KANK2: variants seen among roughly 807,000 people sequenced by gnomAD.
The protein encoded by KANK2 is KN motif and ankyrin repeat domains 2, also known as KN motif and ankyrin repeat domain-containing protein 2.
In KANK2, 41 loss-of-function variants were observed where a neutral mutation model predicts 74.6. That is an observed-to-expected ratio of 0.55 (90% confidence interval 0.43 to 0.71). The LOEUF is 0.71. KANK2 is among the 30% of genes least tolerant of loss of function. The pLI is 0.00. For missense variants in KANK2, 1,148 were observed against 1,196.4 expected, an observed-to-expected ratio of 0.96 and a Z score of 0.60; for synonymous variants, 537 against 519.0, an observed-to-expected ratio of 1.03 and a Z score of -0.47.
At position 11,167,508 on chromosome 19, in the gene KANK2, C is replaced by T. The variant is rs1021191952; in HGVS notation, c.2503-897G>A. Among the ~76,000 whole-genome samples, 80 of 151,610 alleles carry T rather than the reference C, an allele frequency of 5.3e-4. 1 individual carries two copies. Among genetic ancestry groups the T allele is most frequent in the African/African-American group, 1.4e-3 (56 of 41,346 alleles). On this transcript the variant is annotated intron_variant, in intron 12 of 12. Transcript: ENST00000586659. ...CCTCCCGAGTAGCTGGGACTATAGG[C>T]ATGCACCACCAGGCCCAGCTAATTT...
chr19:11,174,568 T>G lies in KANK2; in HGVS notation c.1973A>C (p.Tyr658Ser). ...FRAMSARLLD[Y>S]VVNIADSNGN... ...GTTGCTGTCGGCGATGTTGACCACG[T>G]AGTCCAGCAGCCGCGCAGACATGGC... is the stretch of plus-strand genomic sequence containing the variant. Residue 658 changes from tyrosine to serine, a missense_variant, in exon 9 of 13, where the codon TAC (tyrosine) becomes TCC (serine). Tyr to Ser is a moderately radical substitution (Grantham distance 144, BLOSUM62 -2). Coordinates refer to ENST00000586659, the MANE Select transcript of KANK2 (RefSeq NM_001136191.3). The G allele has an allele frequency of 2.5e-6, 4 of 1,613,590 alleles. No homozygotes were observed. The highest frequency in any genetic ancestry group is 3.4e-6 in the Non-Finnish European group (4 of 1,179,890).
Position 11,173,025 on chromosome 19 carries a change from G to C in KANK2, c.2167C>G (p.Leu723Val), listed in dbSNP as rs144561976. 6.2e-7 allele frequency: 1 copy of C among 1,614,146 alleles called. No homozygotes were observed. Among genetic ancestry groups the C allele is most frequent in the South Asian group, 1.1e-5 (1 of 91,078 alleles). The stretch of plus-strand genomic sequence containing the variant: ...ATGTTGCCAAGCCGGAAGAGCTGAA[G>C]GACAGTCTCGATGTCGTCCTGGGTC... ...LKTQDDIETVLQLFRLGNINA... is the reference protein window; with the variant it reads ...LKTQDDIETVVQLFRLGNINA... The change falls in exon 10 of 13, where the codon CTT becomes GTT. Residue 723 changes from leucine to valine, a missense_variant. Transcript: ENST00000586659.
At chr19:11,182,555 AC>A (rs763570123) in intron 4 of KANK2, among the ~76,000 whole-genome samples, 7 of 148,240 alleles carry the variant, frequency 4.7e-5, no homozygotes, top group Non-Finnish European at 7.5e-5. Flanking sequence ...ACAAAACAAA[AC>A]AAAAAAGCCA....
At chr19:11,194,149 G>T in intron 3 of KANK2, 107 bp from the exon 4 acceptor site, 1 of 1,245,240 alleles carries the variant, frequency 8.0e-7, no homozygotes, top group Non-Finnish European at 1.1e-6. Flanking sequence ...AGAGATGGGA[G>T]CCCACCTGGT....
chr19:11,173,803 C>T lies in KANK2; in HGVS notation c.2068+670G>A, dbSNP rs539944165. Among the ~76,000 whole-genome samples the T allele has an allele frequency of 1.6e-4, 25 of 152,104 alleles. No individual in the cohort carries two copies. The South Asian group carries it at 1.7e-3, about 10-fold the overall frequency. On this transcript the variant is annotated intron_variant, in intron 9 of 12. Coordinates refer to ENST00000586659, the MANE Select transcript of KANK2 (RefSeq NM_001136191.3). ...CAGACTAGGAGAGTCATGTCTCCCT[C>T]GTTAGACTGGGAAGGTGGTGTCTCA...
chr19:11,174,623 G>A lies in KANK2; in HGVS notation c.1918C>T (p.Leu640=), dbSNP rs1368025468. The A allele has an allele frequency of 6.2e-7, 1 of 1,612,290 alleles. No individual in the cohort carries two copies. Among genetic ancestry groups the A allele is most frequent in the African/African-American group, 1.3e-5 (1 of 74,926 alleles). The change falls in exon 9 of 13, where the codon CTG becomes TTG. Residue 640 remains leucine (L), a synonymous_variant. Transcript: ENST00000586659. ...LACRSDAHPE[L]VRRHLVTFRA... ...AACGTGACCAGGTGCCGCCGCACCA[G>A]CTCGGGGTGTGCGTCGCTGCGGCAG... is the stretch of plus-strand genomic sequence containing the variant.
At position 11,174,654 on chromosome 19, in the gene KANK2, G is replaced by A. The variant is rs1161038176; in HGVS notation, c.1887C>T (p.Arg629=). The A allele has an allele frequency of 1.2e-6, 2 of 1,609,238 alleles. No homozygotes were observed. The highest frequency in any genetic ancestry group is 2.7e-5 in the African/African-American group (2 of 74,976). The change falls in exon 9 of 13, where the codon CGC becomes CGT. Residue 629 remains arginine (R), a synonymous_variant. Transcript: ENST00000586659. ...AYTTVLQEWL[R]LACRSDAHPE... is the part of the protein sequence containing the mutation. Reference sequence around the variant, plus strand: ...GGTGTGCGTCGCTGCGGCAGGCCAGGCGCAGCCACTCCTGCAGCACTGTGG... The same window carrying A: ...GGTGTGCGTCGCTGCGGCAGGCCAGACGCAGCCACTCCTGCAGCACTGTGG...
At chr19:11,183,892 G>C (rs970760838) in intron 4 of KANK2, among the ~76,000 whole-genome samples, 23 of 151,796 alleles carry the variant, frequency 1.5e-4, no homozygotes, top group African/African-American at 4.1e-4. Context: ...GCCAATTTTT[G>C]TATTTTTTGT....
chr19:11,190,110 C>T (rs2078797729), intron 4 of KANK2, among the ~76,000 whole-genome samples: 1 of 150,512 alleles, frequency 6.6e-6, no homozygotes, highest in South Asian at 2.1e-4. Flanking sequence ...CAGATTCAAG[C>T]TGTCCTGGTT....
chr19:11,178,791 C>T, intron 4 of KANK2, 71 bp from the exon 5 acceptor site: 3 of 1,390,068 alleles, frequency 2.2e-6, no homozygotes, highest in Non-Finnish European at 2.9e-6. Flanking sequence ...GCGGGTCATA[C>T]ACCCTGGGCC....
rs763285208 is a variant in KANK2, at chr19:11,166,508, G to T, written c.*50C>A. ...GGAACGGGAACAGGGAGGAGACGGG[G>T]ACAAGGGACGGTTTGCTCCCGGTCT... On this transcript the variant is annotated 3_prime_UTR_variant, in exon 13 of 13. Transcript: ENST00000586659. 6.5e-7 allele frequency: 1 copy of T among 1,550,374 alleles called. No homozygotes were observed. Among genetic ancestry groups the T allele is most frequent in the Non-Finnish European group, 8.9e-7 (1 of 1,122,234 alleles).
Position 11,184,440 on chromosome 19 carries a change from C to T in KANK2, c.1250-5720G>A, listed in dbSNP as rs115261291. On this transcript the variant is annotated intron_variant, in intron 4 of 12. Transcript: ENST00000586659. ...CCTCATGGGTGCGGTGGGGGAGTGCCGGAGTTTGGCACAGGCAAAAATTGG... is the reference window on the plus strand; with the variant it reads ...CCTCATGGGTGCGGTGGGGGAGTGCTGGAGTTTGGCACAGGCAAAAATTGG... Among the ~76,000 whole-genome samples the T allele has an allele frequency of 1.8e-3, 263 of 149,928 alleles. 16 individuals carry two copies. Among genetic ancestry groups the T allele is most frequent in the African/African-American group, 6.0e-3 (243 of 40,838 alleles).
chr19:11,177,319 C>T (rs1397104501), intron 6 of KANK2, among the ~76,000 whole-genome samples: 1 of 152,018 alleles, frequency 6.6e-6, no homozygotes, highest in African/African-American at 2.4e-5. Context: ...TGATCTCGAA[C>T]TGGGTTTACA....
rs761140594 is a variant in KANK2, at chr19:11,178,724, G to A, written c.1250-4C>T. On this transcript the variant is annotated splice_region_variant and splice_polypyrimidine_tract_variant and intron_variant, in intron 4 of 12. Transcript: ENST00000586659. The stretch of plus-strand genomic sequence containing the variant: ...TCGGCAGGAACTTCTGGGAGGCCTG[G>A]AGGGACAGGAAATGAGTGTCTGCTC... 3.3e-6 allele frequency: 5 copies of A among 1,524,076 alleles called. No homozygotes were observed. Among genetic ancestry groups the A allele is most frequent in the Non-Finnish European group, 4.4e-6 (5 of 1,141,134 alleles). The allele number at this position is 1,524,076 out of a possible 1,614,324, so 94.4% of individuals were successfully genotyped here. A position where few individuals can be genotyped will look rare whatever the true frequency, so the allele number is the denominator to read the frequency against.
rs1047772348 is a variant in KANK2, at chr19:11,194,615, G to A, written c.-79-25C>T. ...CCTGGGGAAAGAGAACCACGGCGCC[G>A]GGAGTTAGGAGTCTGTAGGGGGAGG... On this transcript the variant is annotated intron_variant, in intron 2 of 12. Transcript: ENST00000586659. 2.4e-5 allele frequency: 22 copies of A among 920,174 alleles called. No homozygotes were observed. In the East Asian group the frequency reaches 3.4e-4, roughly 14 times the overall value. The allele number at this position is 920,174 out of a possible 1,614,324, so 57.0% of individuals were successfully genotyped here.
chr19:11,184,006 C>G (rs1488877244), intron 4 of KANK2, among the ~76,000 whole-genome samples: 1 of 152,028 alleles, frequency 6.6e-6, no homozygotes, highest in South Asian at 2.1e-4. Context: ...GTCAATGTGC[C>G]CAGTTAAGAT....
intron 4 of KANK2, among the ~76,000 whole-genome samples, chr19:11,191,112 C>T (rs1467314594): frequency 6.6e-6 from 1 of 151,890 alleles, no homozygotes; most frequent in East Asian, 1.9e-4. Context: ...GTGATCTTGG[C>T]TCACTGCAAC....
chr19:11,187,905 T>C (rs1047940797), intron 4 of KANK2, among the ~76,000 whole-genome samples: 2 of 151,942 alleles, frequency 1.3e-5, no homozygotes, highest in Admixed American at 6.6e-5. Flanking sequence ...CTGGGCAACA[T>C]AGTGAGACCT....
chr19:11,194,445 G>A (rs1373986510), intron 3 of KANK2, 30 bp downstream of exon 3: 1 of 1,597,712 alleles, frequency 6.3e-7, no homozygotes, highest in South Asian at 1.1e-5. Flanking sequence ...AGCTCCCCGG[G>A]GCAGGGCCCT....
Sources: gnomAD v4.1 joint callset for allele counts (sites outside exome capture counted in the v4.1 genomes callset) on GRCh38, gnomAD v4.1.1 for gene constraint, MANE v1.5 for transcripts, NCBI Gene and HGNC (gene_info 2026-07-23, HGNC 2026-07-21) for gene names.